Variants in NOSTRIN observed in about 807,000 individuals in gnomAD.
NOSTRIN encodes the protein BM247 homolog.
Under a neutral mutation model 59.0 loss-of-function variants are expected in NOSTRIN, and 63 were observed. The ratio of observed to expected loss-of-function variants is 1.07; its 90% confidence interval spans 0.87 to 1.32. The LOEUF is 1.32. NOSTRIN is among the 40% of genes most tolerant of loss of function. NOSTRIN has a pLI of 0.00. For missense variants in NOSTRIN, 512 were observed against 473.1 expected (o/e 1.08, Z -0.76); for synonymous variants, 200 against 165.4 (o/e 1.21, Z -1.61).
At chr2:168,859,922 ACAGT>A (rs1689339637) in intron 13 of NOSTRIN, among the ~76,000 whole-genome samples, 10 of 152,224 alleles carry the variant, frequency 6.6e-5, no homozygotes, top group Admixed American at 6.5e-4. Flanking sequence ...ATGTGCTTTT[ACAGT>A]AAAATTTCTA....
intron 2 of NOSTRIN, among the ~76,000 whole-genome samples, chr2:168,789,291 C>T (rs1310900686): frequency 6.6e-6 from 1 of 152,168 alleles, no homozygotes; most frequent in African/African-American, 2.4e-5. Context: ...ATACCTGAGA[C>T]TGGGTAATGT....
intron 8 of NOSTRIN, among the ~76,000 whole-genome samples, chr2:168,849,476 C>T (rs1203040920): frequency 1.3e-5 from 2 of 152,054 alleles, no homozygotes; most frequent in Non-Finnish European, 2.9e-5. Flanking sequence ...CTGCCTCAGC[C>T]TCCTGAGTAG....
At chr2:168,831,215 G>A (rs1687342894) in intron 5 of NOSTRIN, among the ~76,000 whole-genome samples, 1 of 152,138 alleles carries the variant, frequency 6.6e-6, no homozygotes, top group South Asian at 2.1e-4. Context: ...TTCATCAGTG[G>A]CTATTTACTC....
rs1559122877 is a variant in NOSTRIN at position 168,834,500 on chromosome 2, C to CGT, written c.504+176_504+177insTG. ...AAATCATTACTGGCGTGCGCGCGCG[C>CGT]GCGCGCGCACACACACACACACACA... On this transcript the variant is annotated intron_variant, in intron 7 of 15. Coordinates refer to ENST00000317647, the MANE Select transcript of NOSTRIN (RefSeq NM_001039724.4). Among the ~76,000 whole-genome samples the CGT allele has an allele frequency of 2.7e-4, 28 of 102,466 alleles. No homozygotes were observed. In the Middle Eastern group the frequency reaches 0.019, roughly 71 times the overall value. The allele number at this position is 102,466 out of a possible 152,430, so 67.2% of individuals were successfully genotyped here. A position where few individuals can be genotyped will look rare whatever the true frequency, so the allele number is the denominator to read the frequency against.
Position 168,861,810 on chromosome 2 carries a change from A to G in NOSTRIN, c.1295-150A>G. 8 of 667,838 alleles carry G rather than the reference A, an allele frequency of 1.2e-5. No homozygotes were observed. In the South Asian group the frequency reaches 1.5e-4, roughly 12 times the overall value. 41.4% of individuals were successfully genotyped at this position (667,838 alleles called of 1,614,324 possible). On this transcript the variant is annotated intron_variant, in intron 14 of 15. Coordinates refer to ENST00000317647, the MANE Select transcript of NOSTRIN (RefSeq NM_001039724.4). ...TCATAAGTGGTTATTGAATCAAGGA[A>G]TGAACATTATATAAAATTACAAACT...
chr2:168,802,674 G>T lies in NOSTRIN; in HGVS notation c.27+1G>T. On this transcript the variant is annotated splice_donor_variant, in intron 1 of 15. Transcript: ENST00000317647. LOFTEE classifies it high-confidence loss of function. ...GAGGGACCCACTGACAGATTGTCCG[G>T]TGAGTAGCTCAGTGTGGTTTGTGTG... is the stretch of plus-strand genomic sequence containing the variant. 1 of 869,614 alleles carries T rather than the reference G, an allele frequency of 1.1e-6. No homozygotes were observed. Among genetic ancestry groups the T allele is most frequent in the Non-Finnish European group, 2.0e-6 (1 of 500,754 alleles). 53.9% of individuals were successfully genotyped at this position (869,614 alleles called of 1,614,324 possible).
In NOSTRIN at chr2:168,865,170, A is replaced by T; in HGVS notation, c.*200A>T. On this transcript the variant is annotated 3_prime_UTR_variant, in exon 16 of 16. Transcript: ENST00000317647. ...GATGGATGGGTGGAGACAGACAAGGAAGAGGCTCCTTGGTTCCTAGAGGAG... is the reference window on the plus strand; with the variant it reads ...GATGGATGGGTGGAGACAGACAAGGTAGAGGCTCCTTGGTTCCTAGAGGAG... The T allele has an allele frequency of 1.7e-6, 1 of 597,816 alleles. No individual in the cohort carries two copies. Among genetic ancestry groups the T allele is most frequent in the Admixed American group, 3.2e-5 (1 of 31,146 alleles). 37.0% of individuals were successfully genotyped at this position (597,816 alleles called of 1,614,324 possible).
chr2:168,791,815 C>A (rs1049325761), intron 2 of NOSTRIN, among the ~76,000 whole-genome samples: 1 of 152,196 alleles, frequency 6.6e-6, no homozygotes, highest in Non-Finnish European at 1.5e-5. Flanking sequence ...ATATCCTTCA[C>A]CCACTTTTTG....
chr2:168,856,458 C>G (rs938832702), intron 11 of NOSTRIN: 1 of 503,142 alleles, frequency 2.0e-6, no homozygotes, highest in Non-Finnish European at 3.6e-6. Flanking sequence ...ACCTGTAATC[C>G]CAGCTACTCA....
At chr2:168,856,532 G>A (rs954679328) in intron 11 of NOSTRIN, 158 bp from the exon 12 acceptor site, 9 of 614,350 alleles carry the variant, frequency 1.5e-5, no homozygotes, top group African/African-American at 3.7e-5. Context: ...CCGAGATCGC[G>A]CCACTGCACT....
At chr2:168,794,685 G>A (rs1452267493), upstream of NOSTRIN, among the ~76,000 whole-genome samples, 12 of 152,200 alleles carry the variant, frequency 7.9e-5, no homozygotes, top group Admixed American at 7.8e-4. Flanking sequence ...TCAGAGGGCT[G>A]TTTGACTGAA....
upstream of NOSTRIN, among the ~76,000 whole-genome samples, chr2:168,797,656 A>G (rs558221785): frequency 1.2e-3 from 175 of 148,338 alleles, no homozygotes; most frequent in African/African-American, 4.2e-3. Flanking sequence ...AATTAAAGTT[A>G]GCATAAGTGT....
intron 13 of NOSTRIN, among the ~76,000 whole-genome samples, chr2:168,860,178 C>G (rs1223226704): frequency 6.6e-6 from 1 of 152,188 alleles, no homozygotes; most frequent in Non-Finnish European, 1.5e-5. Flanking sequence ...GATCATTTCA[C>G]TTGCATTAAG....
intron 15 of NOSTRIN, among the ~76,000 whole-genome samples, chr2:168,863,818 G>A (rs77644297): frequency 2.4e-4 from 36 of 152,244 alleles, no homozygotes; most frequent in African/African-American, 4.3e-4. Flanking sequence ...CTCAAAGTAC[G>A]GACACCAAGA....
intron 3 of NOSTRIN, among the ~76,000 whole-genome samples, 169 bp downstream of exon 3, chr2:168,824,886 C>T (rs1686971365): frequency 6.6e-6 from 1 of 152,012 alleles, no homozygotes; most frequent in Admixed American, 6.6e-5. Flanking sequence ...AGGTGATCCT[C>T]CCACCCAGCC....
intron 7 of NOSTRIN, among the ~76,000 whole-genome samples, chr2:168,839,900 A>AAAAAAAAAAAAG (rs1553529218): frequency 8.1e-6 from 1 of 123,234 alleles, no homozygotes; most frequent in African/African-American, 3.1e-5. Context: ...AAAAAAAAAA[A>AAAAAAAAAAAAG]ATATATATAT....
intron 3 of NOSTRIN, among the ~76,000 whole-genome samples, chr2:168,827,848 T>C (rs943675007): frequency 2.0e-5 from 3 of 152,002 alleles, no homozygotes; most frequent in African/African-American, 7.2e-5. Flanking sequence ...TGCTGGGATT[T>C]ACAGGCACTT....
Position 168,865,104 on chromosome 2 carries a change from CT to C in NOSTRIN, c.*137del. 1 of 904,752 alleles carries C rather than the reference CT, an allele frequency of 1.1e-6. No individual in the cohort carries two copies. Among genetic ancestry groups the C allele is most frequent in the Non-Finnish European group, 1.6e-6 (1 of 607,564 alleles). 56.0% of individuals were successfully genotyped at this position (904,752 alleles called of 1,614,324 possible). On this transcript the variant is annotated 3_prime_UTR_variant, in exon 16 of 16. Transcript: ENST00000317647. ...GGAGTTCTACCTGCATGTCACAGCA[CT>C]TTGCATTCATGATTATTAGCTTGAA...
At chr2:168,791,813 C>T (rs374610331) in intron 2 of NOSTRIN, among the ~76,000 whole-genome samples, 93 of 152,312 alleles carry the variant, frequency 6.1e-4, no homozygotes, top group South Asian at 1.7e-3. Flanking sequence ...TCATATCCTT[C>T]ACCCACTTTT....
Sources: allele counts gnomAD v4.1 joint callset (sites outside exome capture counted in the v4.1 genomes callset), GRCh38; gene constraint gnomAD v4.1.1; transcripts MANE v1.5; gene names NCBI Gene and HGNC (gene_info 2026-07-23, HGNC 2026-07-21).